Variants in SCO1 observed in about 807,000 individuals in gnomAD.
SCO1 encodes synthesis of cytochrome C oxidase 1.
Under a neutral mutation model 34.0 loss-of-function variants are expected in SCO1, and 23 were observed. The ratio of observed to expected loss-of-function variants is 0.68; its 90% CI spans 0.49 to 0.96. The LOEUF is 0.96. Ranked by LOEUF, SCO1 falls within the 40% of genes least tolerant of loss-of-function variation. The pLI is 0.00. For synonymous variants in SCO1, 161 were observed against 145.5 expected, an observed-to-expected ratio of 1.11 and a Z score of -0.77; for missense variants, 404 against 381.6, an observed-to-expected ratio of 1.06 and a Z score of -0.49.
chr17:10,682,885 T>C (rs1451194300), intron 5 of SCO1, among the ~76,000 whole-genome samples: 1 of 152,212 alleles, frequency 6.6e-6, no homozygotes, highest in Non-Finnish European at 1.5e-5. Flanking sequence ...AATTATATAA[T>C]TGGTAAGTGC....
At position 10,673,915 on chromosome 17, in the gene SCO1, ATTTG is replaced by A. The variant is rs986507948; in HGVS notation, c.*7200_*7203del. The stretch of plus-strand genomic sequence containing the variant: ...AATTAAATAATTATCAGAAAATGGA[ATTTG>A]TTTATTTGAGAGACTCTTCAAATTG... On this transcript the variant is annotated 3_prime_UTR_variant, in exon 6 of 6. Transcript: ENST00000255390. The A allele has an allele frequency of 3.3e-5, 5 of 152,220 alleles. No individual in the cohort carries two copies. The highest frequency in any genetic ancestry group is 1.2e-4 in the African/African-American group (5 of 41,452). 9.4% of individuals were successfully genotyped at this position (152,220 alleles called of 1,614,324 possible). A position where few individuals can be genotyped will look rare whatever the true frequency, so the allele number is the denominator to read the frequency against.
At position 10,681,010 on chromosome 17, in the gene SCO1, G is replaced by T; in HGVS notation, c.*109C>A. On this transcript the variant is annotated 3_prime_UTR_variant, in exon 6 of 6. Transcript: ENST00000255390. ...ACAGAAATGTTCTCATGGTATGAAG[G>T]CCATTCTGTAGAGTGCACGTATATA... 1 of 1,287,440 alleles carries T rather than the reference G, an allele frequency of 7.8e-7. No individual in the cohort carries two copies. The highest frequency in any genetic ancestry group is 1.2e-5 in the South Asian group (1 of 84,162). The allele number at this position is 1,287,440 out of a possible 1,614,324, so 79.8% of individuals were successfully genotyped here.
At chr17:10,691,336 G>C (rs2074688004) in intron 4 of SCO1, among the ~76,000 whole-genome samples, 1 of 152,126 alleles carries the variant, frequency 6.6e-6, no homozygotes, top group Admixed American at 6.5e-5. Flanking sequence ...GGCCAGGCTG[G>C]TCTCAAACTC....
In SCO1 at chr17:10,697,389, A is replaced by C; in HGVS notation, c.119T>G (p.Leu40Trp). ...TTGCCGCGCGCAGAACTGCCTCAGC[A>C]AGACTCTCGCAGTCCCCTCGGCTGG... Reference protein sequence around the residue: ...WGPAEGTARVLLRQFCARQAE... With the variant: ...WGPAEGTARVWLRQFCARQAE... Residue 40 changes from leucine (L) to tryptophan (W), a missense_variant, in exon 1 of 6, where the codon TTG (leucine) becomes TGG (tryptophan). Leu to Trp is a moderately conservative substitution (Grantham distance 61). Coordinates refer to ENST00000255390, the MANE Select transcript of SCO1 (RefSeq NM_004589.4). 6.2e-7 allele frequency: 1 copy of C among 1,603,470 alleles called. No individual in the cohort carries two copies. Among genetic ancestry groups the C allele is most frequent in the Non-Finnish European group, 8.5e-7 (1 of 1,175,070 alleles).
rs1486888360 is a variant in SCO1, at chr17:10,678,103, G to A, written c.*3016C>T. 1.3e-5 allele frequency: 2 copies of A among 151,712 alleles called. No homozygotes were observed. Among genetic ancestry groups the A allele is most frequent in the African/African-American group, 2.4e-5 (1 of 41,270 alleles). 9.4% of individuals were successfully genotyped at this position (151,712 alleles called of 1,614,324 possible). ...GCACTCCAGCCTGGGCAACAAGAGT[G>A]AAACTCTGTCTCAAAAAAGAAAAGA... is the stretch of plus-strand genomic sequence containing the variant. On this transcript the variant is annotated 3_prime_UTR_variant, in exon 6 of 6. Coordinates refer to ENST00000255390, the MANE Select transcript of SCO1 (RefSeq NM_004589.4).
chr17:10,688,665 T>C (rs1597507978), intron 4 of SCO1, among the ~76,000 whole-genome samples: 1 of 152,190 alleles, frequency 6.6e-6, no homozygotes, highest in Admixed American at 6.5e-5. Flanking sequence ...AAAGCATGTG[T>C]CCACACAAAA....
rs1021386429 is a variant in SCO1, at chr17:10,679,921, T to C, written c.*1198A>G. The C allele has an allele frequency of 8.4e-6, 1 of 118,462 alleles. No homozygotes were observed. The highest frequency in any genetic ancestry group is 1.1e-4 in the Admixed American group (1 of 9,012). The allele number at this position is 118,462 out of a possible 1,614,324, so 7.3% of individuals were successfully genotyped here. A position where few individuals can be genotyped will look rare whatever the true frequency, so the allele number is the denominator to read the frequency against. On this transcript the variant is annotated 3_prime_UTR_variant, in exon 6 of 6. Transcript: ENST00000255390. ...TCCTGAGTAGCCAGGACTACAGGCA[T>C]GTGCCACCATGCCAAAAAAATCTTC... is the stretch of plus-strand genomic sequence containing the variant.
chr17:10,682,434 C>T (rs372002091), intron 5 of SCO1, among the ~76,000 whole-genome samples: 4 of 152,138 alleles, frequency 2.6e-5, no homozygotes, highest in Non-Finnish European at 4.4e-5. Context: ...CGGGGGGCTA[C>T]GTTTCTCCAC....
At chr17:10,693,971 C>T (rs1354243710) in intron 2 of SCO1, among the ~76,000 whole-genome samples, 2 of 152,248 alleles carry the variant, frequency 1.3e-5, no homozygotes, top group East Asian at 3.8e-4. Flanking sequence ...TGTAAGTATA[C>T]GTATGTCAAT....
At chr17:10,689,653 T>C (rs1020764895) in intron 4 of SCO1, among the ~76,000 whole-genome samples, 4 of 152,136 alleles carry the variant, frequency 2.6e-5, no homozygotes, top group Non-Finnish European at 5.9e-5. Context: ...CATACAGAGG[T>C]GTTTGATTGA....
intron 1 of SCO1, 72 bp from the exon 2 acceptor site, chr17:10,695,903 A>G: frequency 8.5e-7 from 1 of 1,173,802 alleles, no homozygotes; most frequent in East Asian, 2.4e-5. Flanking sequence ...AACTTATTAA[A>G]GTAGTTTTTA....
At chr17:10,689,115 C>CG (rs2074675190) in intron 4 of SCO1, among the ~76,000 whole-genome samples, 1 of 67,924 alleles carries the variant, frequency 1.5e-5, no homozygotes, top group African/African-American at 7.3e-5. Flanking sequence ...GACTCCGTCT[C>CG]AAAAAAAAAA....
At chr17:10,684,191 A>G (rs2151453081) in intron 5 of SCO1, among the ~76,000 whole-genome samples, 1 of 152,370 alleles carries the variant, frequency 6.6e-6, no homozygotes, top group East Asian at 1.9e-4. Flanking sequence ...CATAAGACTT[A>G]CATATTTTTG....
Position 10,676,618 on chromosome 17 carries a change from T to C in SCO1, c.*4501A>G, listed in dbSNP as rs550417618. 6.6e-6 allele frequency: 1 copy of C among 152,346 alleles called. No homozygotes were observed. Among genetic ancestry groups the C allele is most frequent in the South Asian group, 2.1e-4 (1 of 4,834 alleles). The allele number at this position is 152,346 out of a possible 1,614,324, so 9.4% of individuals were successfully genotyped here. ...AAACTCAAGTTTTCTTTCGGTTAAATACCCACATCAATGTTCTCATGAAAT... is the reference window on the plus strand; with the variant it reads ...AAACTCAAGTTTTCTTTCGGTTAAACACCCACATCAATGTTCTCATGAAAT... On this transcript the variant is annotated 3_prime_UTR_variant, in exon 6 of 6. Transcript: ENST00000255390.
chr17:10,685,388 G>A lies in SCO1; in HGVS notation c.771+1339C>T, dbSNP rs143763011. On this transcript the variant is annotated intron_variant, in intron 5 of 5. Coordinates refer to ENST00000255390, the MANE Select transcript of SCO1 (RefSeq NM_004589.4). The stretch of plus-strand genomic sequence containing the variant: ...ACTCTTCATATGATAGGAGAAAAAT[G>A]TCCAAATTGAGAGGAAAATTGGTGG... Among the ~76,000 whole-genome samples the A allele has an allele frequency of 3.3e-3, 505 of 152,336 alleles. 6 individuals are homozygous for A. Among genetic ancestry groups the A allele is most frequent in the Admixed American group, 7.0e-3 (107 of 15,294 alleles).
rs1171336564 is a variant in SCO1 at position 10,676,592 on chromosome 17, A to C, written c.*4527T>G. On this transcript the variant is annotated 3_prime_UTR_variant, in exon 6 of 6. Coordinates refer to ENST00000255390, the MANE Select transcript of SCO1 (RefSeq NM_004589.4). ...TTTTCACAATAAAAAGGAAAAAAAGAAAACTCAAGTTTTCTTTCGGTTAAA... is the reference window on the plus strand; with the variant it reads ...TTTTCACAATAAAAAGGAAAAAAAGCAAACTCAAGTTTTCTTTCGGTTAAA... 2 of 152,224 alleles carry C rather than the reference A, an allele frequency of 1.3e-5. No individual in the cohort carries two copies. The highest frequency in any genetic ancestry group is 4.8e-5 in the African/African-American group (2 of 41,450). 9.4% of individuals were successfully genotyped at this position (152,224 alleles called of 1,614,324 possible). A position where few individuals can be genotyped will look rare whatever the true frequency, so the allele number is the denominator to read the frequency against.
chr17:10,687,497 A>G (rs1367874614), intron 4 of SCO1, among the ~76,000 whole-genome samples: 1 of 152,252 alleles, frequency 6.6e-6, no homozygotes, highest in African/African-American at 2.4e-5. Flanking sequence ...CTGAAATGAC[A>G]GCCCAACATT....
At chr17:10,693,052 C>CGGCACAAAA in intron 2 of SCO1, 91 bp from the exon 3 acceptor site, 1 of 1,065,656 alleles carries the variant, frequency 9.4e-7, no homozygotes, top group East Asian at 2.4e-5. Context: ...TACTATGCTA[C>CGGCACAAAA]TCATGGTGGG....
Position 10,674,490 on chromosome 17 carries a change from A to G in SCO1, c.*6629T>C, listed in dbSNP as rs1597502830. The G allele has an allele frequency of 2.0e-5, 5 of 250,044 alleles. No homozygotes were observed. Among genetic ancestry groups the G allele is most frequent in the Admixed American group, 1.9e-4 (4 of 21,212 alleles). 15.5% of individuals were successfully genotyped at this position (250,044 alleles called of 1,614,324 possible). A position where few individuals can be genotyped will look rare whatever the true frequency, so the allele number is the denominator to read the frequency against. Reference sequence around the variant, plus strand: ...TTGAGGAGAGCTGGAGTGGAGCCTGAGAAGCTGCATTTCTGCTAAGTACCC... The same window carrying G: ...TTGAGGAGAGCTGGAGTGGAGCCTGGGAAGCTGCATTTCTGCTAAGTACCC... On this transcript the variant is annotated 3_prime_UTR_variant, in exon 6 of 6. Coordinates refer to ENST00000255390, the MANE Select transcript of SCO1 (RefSeq NM_004589.4).
Sources: gnomAD v4.1 joint callset for allele counts (sites outside exome capture counted in the v4.1 genomes callset) on GRCh38, gnomAD v4.1.1 for gene constraint, MANE v1.5 for transcripts, NCBI Gene and HGNC (gene_info 2026-07-23, HGNC 2026-07-21) for gene names.